MYO18A: variants seen among roughly 807,000 people sequenced by gnomAD.
MYO18A encodes the protein unconventional myosin-XVIIIa.
A neutral mutation model predicts 235.8 loss-of-function variants in MYO18A; 78 were observed. The ratio of observed to expected loss-of-function variants is 0.33; its 90% CI spans 0.28 to 0.40. MYO18A has a LOEUF of 0.40. Among genes scored for constraint, MYO18A ranks in the 10% least tolerant of loss-of-function variants. The pLI, the probability that MYO18A is intolerant of heterozygous loss-of-function variation, is 1.00. For synonymous variants in MYO18A, 977 were observed against 1,077.8 expected, an observed-to-expected ratio of 0.91 and a Z score of 1.83; for missense variants, 2,215 against 2,699.3, an observed-to-expected ratio of 0.82 and a Z score of 3.98.
At position 29,118,040 on chromosome 17, in the gene MYO18A, G is replaced by T. The variant is rs2067114236; in HGVS notation, c.2038+5C>A. ...GCCAGCCTACTGGGACCCACTGCAG[G>T]TTACCTTTGGTGGCTCCCGCAGCCC... On this transcript the variant is annotated splice_donor_5th_base_variant and intron_variant, in intron 10 of 41. Coordinates refer to ENST00000527372, the MANE Select transcript of MYO18A (RefSeq NM_078471.4). This position sits in a 1 kb window ranked among gnomAD's most constrained non-coding sequence, Gnocchi z 4.2. The T allele has an allele frequency of 2.5e-6, 4 of 1,576,538 alleles. No homozygotes were observed. The highest frequency in any genetic ancestry group is 2.6e-6 in the Non-Finnish European group (3 of 1,161,232).
chr17:29,128,415 C>A, intron 2 of MYO18A: 1 of 1,289,420 alleles, frequency 7.8e-7, no homozygotes, highest in South Asian at 1.2e-5. Context: ...GCTGTGGCAG[C>A]TCCCGGGCCG....
intron 2 of MYO18A, among the ~76,000 whole-genome samples, chr17:29,147,888 A>AC (rs2067880800): frequency 8.9e-6 from 1 of 112,446 alleles, no homozygotes; most frequent in Admixed American, 8.4e-5. Context: ...AGCCTGGGTG[A>AC]CAAAAAAAAA....
At chr17:29,080,990 C>T (rs2066107201) in intron 41 of MYO18A, 1 of 985,450 alleles carries the variant, frequency 1.0e-6, no homozygotes, top group Non-Finnish European at 1.2e-6. Flanking sequence ...CCCGGGGCCT[C>T]CTTAGAGAGG....
rs1389547153 is a variant in MYO18A, at chr17:29,098,848, T to C, written c.3758A>G (p.Glu1253Gly). The change falls in exon 23 of 42, where the codon GAG becomes GGG. Residue 1253 changes from glutamate (E) to glycine (G), a missense_variant. Transcript: ENST00000527372. ...TACGTCTTTGTTCCGGATCTGCTCC[T>C]CTGACAGCTGTACTTCGATGAGGGG... ...VRPLIEVQLS[E>G]EQIRNKDEEI... is the part of the protein sequence containing the mutation. The C allele has an allele frequency of 8.1e-6, 13 of 1,613,888 alleles. No homozygotes were observed. Among genetic ancestry groups the C allele is most frequent in the Non-Finnish European group, 1.1e-5 (13 of 1,179,882 alleles).
rs773009632 is a variant in MYO18A at position 29,114,893 on chromosome 17, G to C, written c.2511+14C>G. 3.7e-5 allele frequency: 60 copies of C among 1,606,646 alleles called. No homozygotes were observed. The highest frequency in any genetic ancestry group is 4.9e-5 in the Non-Finnish European group (58 of 1,175,604). On this transcript the variant is annotated intron_variant, in intron 14 of 41. Coordinates refer to ENST00000527372, the MANE Select transcript of MYO18A (RefSeq NM_078471.4). ...AGAATCTGAGGCTAGATGAGGCCCA[G>C]GCCCCAGAGCTACCTCCTTGTATCT...
rs2067203511 is a variant in MYO18A, at chr17:29,121,715, A to G, written c.1203T>C (p.Ala401=). The G allele has an allele frequency of 4.5e-6, 7 of 1,571,590 alleles. No individual in the cohort carries two copies. The East Asian group carries it at 1.7e-4, about 37-fold the overall frequency. Residue 401 remains alanine (A), a synonymous_variant, in exon 5 of 42, where the codon GCT becomes GCC. Transcript: ENST00000527372. This position sits in a 1 kb window ranked among gnomAD's most constrained non-coding sequence, Gnocchi z 4.2. ...VDEDDVEKAN[A]PSCDRLEDLA... is the part of the protein sequence containing the mutation. ...GATCCTCCAGACGGTCGCAGGAGGGAGCATTAGCCTGTGTGGGAGGACAGG... is the reference window on the plus strand; with the variant it reads ...GATCCTCCAGACGGTCGCAGGAGGGGGCATTAGCCTGTGTGGGAGGACAGG...
intron 2 of MYO18A, among the ~76,000 whole-genome samples, chr17:29,157,862 C>T (rs1260717369): frequency 5.9e-5 from 9 of 152,002 alleles, no homozygotes; most frequent in Admixed American, 5.2e-4. Context: ...GGCATAATCA[C>T]GGCTCACTGT....
At chr17:29,076,352 A>T (rs908733471) in intron 41 of MYO18A, 1 of 151,736 alleles carries the variant, frequency 6.6e-6, no homozygotes, top group African/African-American at 2.4e-5. Context: ...AAAAAAAAAA[A>T]AAAAGGACCA....
rs2065928712 is a variant in MYO18A, at chr17:29,074,444, T to A, written c.*326A>T. 1.7e-6 allele frequency: 1 copy of A among 582,198 alleles called. No homozygotes were observed. Among genetic ancestry groups the A allele is most frequent in the Admixed American group, 3.1e-5 (1 of 32,262 alleles). 36.1% of individuals were successfully genotyped at this position (582,198 alleles called of 1,614,324 possible). On this transcript the variant is annotated 3_prime_UTR_variant, in exon 42 of 42. Transcript: ENST00000527372. The surrounding 1 kb of genome is among the most constrained non-coding windows in gnomAD (Gnocchi z 4.4). Reference sequence around the variant, plus strand: ...TGTCCACCGTCCCTGAGCAGGGAGCTGAGAGGGAGGTCAACGTGCTGGCTC... The same window carrying A: ...TGTCCACCGTCCCTGAGCAGGGAGCAGAGAGGGAGGTCAACGTGCTGGCTC...
At chr17:29,130,474 C>CCTCACACA (rs1470883412) in intron 2 of MYO18A, among the ~76,000 whole-genome samples, 18 of 142,240 alleles carry the variant, frequency 1.3e-4, no homozygotes, top group African/African-American at 3.9e-4. Flanking sequence ...GAGGCCTCTC[C>CCTCACACA]CACACACACA....
In MYO18A at chr17:29,125,807, C is replaced by A. The variant is rs781323736; in HGVS notation, c.1000-3554G>T. 7.9e-6 allele frequency: 5 copies of A among 634,404 alleles called. No individual in the cohort carries two copies. Among genetic ancestry groups the A allele is most frequent in the Non-Finnish European group, 9.8e-6 (5 of 508,022 alleles). The allele number at this position is 634,404 out of a possible 1,614,324, so 39.3% of individuals were successfully genotyped here. ...CATGGAGCCATCTTCATGGTCAGCG[C>A]GCCTACAGACACACACAGGGTCCTG... On this transcript the variant is annotated intron_variant, in intron 2 of 41. Coordinates refer to ENST00000527372, the MANE Select transcript of MYO18A (RefSeq NM_078471.4). The surrounding 1 kb of genome is among the most constrained non-coding windows in gnomAD (Gnocchi z 5.1).
intron 33 of MYO18A, 137 bp downstream of exon 33, chr17:29,092,718 T>C (rs2066426899): frequency 6.5e-6 from 8 of 1,235,876 alleles, no homozygotes. Flanking sequence ...GTCTAGCTGC[T>C]ACACGTGGCT....
intron 2 of MYO18A, chr17:29,131,544 T>A: frequency 2.2e-6 from 1 of 453,974 alleles, no homozygotes; most frequent in Non-Finnish European, 2.9e-6. Flanking sequence ...CACCCTGAGG[T>A]GGAGCTCCTG....
At position 29,114,101 on chromosome 17, in the gene MYO18A, G is replaced by A. The variant is rs1215919230; in HGVS notation, c.2512-4C>T. The A allele has an allele frequency of 3.1e-6, 5 of 1,591,758 alleles. No individual in the cohort carries two copies. The highest frequency in any genetic ancestry group is 3.4e-6 in the Non-Finnish European group (4 of 1,169,330). The stretch of plus-strand genomic sequence containing the variant: ...CAAACGCCAGCTCGATGTTCTCCTG[G>A]GAAAGAAGGCCGAGCGGTAGTGAGC... On this transcript the variant is annotated splice_polypyrimidine_tract_variant and splice_region_variant and intron_variant, in intron 14 of 41. Coordinates refer to ENST00000527372, the MANE Select transcript of MYO18A (RefSeq NM_078471.4).
chr17:29,104,969 A>G (rs1189471521), intron 20 of MYO18A, among the ~76,000 whole-genome samples: 1 of 152,022 alleles, frequency 6.6e-6, no homozygotes. Flanking sequence ...TCATGAGGTC[A>G]GGAGATCAAG....
At chr17:29,145,209 T>C (rs2067822496) in intron 2 of MYO18A, among the ~76,000 whole-genome samples, 1 of 152,152 alleles carries the variant, frequency 6.6e-6, no homozygotes. Context: ...TCCCCAGCAC[T>C]AGGCACACAA....
intron 2 of MYO18A, among the ~76,000 whole-genome samples, chr17:29,131,892 T>C (rs1354888399): frequency 6.6e-6 from 1 of 152,220 alleles, no homozygotes; most frequent in African/African-American, 2.4e-5. Context: ...TGTGGGTACC[T>C]GTGGGCCAGC....
At chr17:29,081,018 G>A (rs951406543) in intron 41 of MYO18A, 1 of 985,204 alleles carries the variant, frequency 1.0e-6, no homozygotes, top group Non-Finnish European at 1.2e-6. Flanking sequence ...GGGCCGTTCC[G>A]AGGGAGGATG....
Position 29,120,463 on chromosome 17 carries a change from T to C in MYO18A, c.1728+153A>G, listed in dbSNP as rs998408208. ...GCCCTGAGGGCAGAATGGTGATGCC[T>C]CTGGATAGTGCAGGCCAACCCTGCC... On this transcript the variant is annotated intron_variant, in intron 7 of 41. Coordinates refer to ENST00000527372, the MANE Select transcript of MYO18A (RefSeq NM_078471.4). The surrounding 1 kb of genome is among the most constrained non-coding windows in gnomAD (Gnocchi z 4.2). Among the ~76,000 whole-genome samples the C allele has an allele frequency of 5.9e-5, 9 of 152,232 alleles. No homozygotes were observed. The highest frequency in any genetic ancestry group is 8.8e-5 in the Non-Finnish European group (6 of 68,038).
Sources: allele counts gnomAD v4.1 joint callset (sites outside exome capture counted in the v4.1 genomes callset), GRCh38; gene constraint gnomAD v4.1.1; non-coding constraint Gnocchi (gnomAD v3.1); transcripts MANE v1.5; gene names NCBI Gene and HGNC (gene_info 2026-07-23, HGNC 2026-07-21).